Variants in SLC33A2 observed in about 807,000 individuals in gnomAD.
SLC33A2 encodes solute carrier family 33 member 2.
At chr8:144,510,887 C>T in the SLC33A2 span, 3 of 1,606,566 alleles carry the variant, frequency 1.9e-6, no homozygotes, top group South Asian at 1.1e-5. Context: ...AGCCAGCTGG[C>T]CCCCAGGGCC....
the SLC33A2 span, chr8:144,510,871 C>CT: frequency 6.2e-7 from 1 of 1,608,774 alleles, no homozygotes; most frequent in Non-Finnish European, 8.5e-7. Context: ...TGGGATGATG[C>CT]GCTGCAGCCA....
At chr8:144,510,501 A>C in the SLC33A2 span, 3 of 1,612,546 alleles carry the variant, frequency 1.9e-6, no homozygotes, top group South Asian at 3.3e-5. Context: ...TTGCTGGCCA[A>C]GCACTGGTGA....
the SLC33A2 span, chr8:144,510,772 C>G: frequency 6.2e-7 from 1 of 1,610,702 alleles, no homozygotes; most frequent in Non-Finnish European, 8.5e-7. Flanking sequence ...GCCTGGGGCA[C>G]TGCTGACTTC....
At chr8:144,510,684 C>T in the SLC33A2 span, 4 of 1,563,946 alleles carry the variant, frequency 2.6e-6, no homozygotes, top group Non-Finnish European at 3.5e-6. Context: ...CACCTGGACA[C>T]CCTGGGGGCC....
At chr8:144,510,730 GCTGGC>G in the SLC33A2 span, 16 of 1,596,806 alleles carry the variant, frequency 1.0e-5, no homozygotes, top group South Asian at 1.8e-4. Context: ...GAGGTGAGGG[GCTGGC>G]CTTGAGGAGG....
the SLC33A2 span, chr8:144,509,859 C>T: frequency 6.5e-7 from 1 of 1,538,080 alleles, no homozygotes; most frequent in African/African-American, 1.4e-5. Context: ...CACCTACTGG[C>T]TGGCCGCGGC....
chr8:144,509,495 G>T, the SLC33A2 span: 2 of 1,534,290 alleles, frequency 1.3e-6, no homozygotes, highest in Non-Finnish European at 1.7e-6. Context: ...TGCTCAAGCT[G>T]GCTTGGGCCC....
At chr8:144,509,265 AG>A in the SLC33A2 span, 1 of 1,390,098 alleles carries the variant, frequency 7.2e-7, no homozygotes, top group Admixed American at 3.0e-5. Flanking sequence ...CCCCACGCGG[AG>A]GGGACCTCGC....
chr8:144,509,307 CCAGCCTCG>C, the SLC33A2 span: 3 of 1,432,310 alleles, frequency 2.1e-6, no homozygotes, highest in Non-Finnish European at 2.7e-6. Flanking sequence ...ACCCGACCTC[CCAGCCTCG>C]CAGCCGGCCT....
chr8:144,509,459 G>A, the SLC33A2 span: 1 of 1,535,952 alleles, frequency 6.5e-7, no homozygotes, highest in East Asian at 2.5e-5. Context: ...GCGTGGGGCT[G>A]GCCAAGGTTC....
the SLC33A2 span, chr8:144,509,818 C>T: frequency 1.8e-4 from 271 of 1,539,772 alleles, no homozygotes; most frequent in Non-Finnish European, 2.3e-4. Context: ...CCCACCTTCT[C>T]GTGGCCGCAA....
the SLC33A2 span, chr8:144,510,990 G>A: frequency 5.6e-6 from 9 of 1,600,532 alleles, no homozygotes; most frequent in African/African-American, 1.2e-4. Flanking sequence ...ACCCCCCTCA[G>A]GCCACACACT....
At chr8:144,510,657 A>G in the SLC33A2 span, 2 of 1,560,358 alleles carry the variant, frequency 1.3e-6, no homozygotes, top group Non-Finnish European at 8.7e-7. Context: ...CTAGCCTGTC[A>G]GACTGCCTTG....
At chr8:144,510,015 G>A in the SLC33A2 span, 4 of 1,592,832 alleles carry the variant, frequency 2.5e-6, no homozygotes, top group Admixed American at 1.7e-5. Context: ...CTACAAGCTG[G>A]GTGAGTGAGG....
the SLC33A2 span, chr8:144,510,626 C>A: frequency 6.4e-7 from 1 of 1,570,068 alleles, no homozygotes; most frequent in Non-Finnish European, 8.7e-7. Flanking sequence ...GAGGTCGGTG[C>A]TGCGCTTCCG....
the SLC33A2 span, chr8:144,510,718 G>A: frequency 6.5e-3 from 10,266 of 1,588,966 alleles, 568 homozygotes; most frequent in African/African-American, 0.12. Context: ...GCACAATCTT[G>A]AGAGGTGAGG....
chr8:144,510,840 GGTCACCACA>G, the SLC33A2 span: 3 of 1,610,770 alleles, frequency 1.9e-6, no homozygotes, highest in Non-Finnish European at 2.5e-6. Flanking sequence ...TGGGAGGCCT[GGTCACCACA>G]GTCACCTTCA....
At chr8:144,510,176 T>C in the SLC33A2 span, 4 of 1,270,224 alleles carry the variant, frequency 3.1e-6, no homozygotes, top group South Asian at 2.9e-5. Flanking sequence ...GGGCCTTGTG[T>C]CTTGTCCGCC....
chr8:144,510,441 G>C, the SLC33A2 span: 2 of 1,612,926 alleles, frequency 1.2e-6, no homozygotes, highest in Non-Finnish European at 1.7e-6. Flanking sequence ...CTGTGGAATG[G>C]TGTGGGTGCT....
Sources: allele counts gnomAD v4.1 joint callset, GRCh38; gene constraint gnomAD v4.1.1; transcripts MANE v1.5; gene names NCBI Gene and HGNC (gene_info 2026-07-23, HGNC 2026-07-21).